Variants in FXYD1 observed in about 807,000 individuals in gnomAD.
FXYD1 encodes FXYD domain containing ion transport regulator 1.
Under a neutral mutation model 17.2 loss-of-function variants are expected in FXYD1, and 9 were observed. The ratio of observed to expected loss-of-function variants is 0.52; its 90% CI spans 0.32 to 0.91. The LOEUF (loss-of-function observed/expected upper bound fraction) is 0.91, where lower values mean the gene tolerates loss of function less well. Ranked by LOEUF, FXYD1 falls within the 40% of genes least tolerant of loss-of-function variation. The pLI is 0.04. For missense variants in FXYD1, 113 were observed against 120.6 expected (o/e 0.94, Z 0.29); for synonymous variants, 55 against 45.8 (o/e 1.20, Z -0.81).
chr19:35,141,788 C>G (rs1413859438), intron 5 of FXYD1, among the ~76,000 whole-genome samples: 1 of 152,244 alleles, frequency 6.6e-6, no homozygotes, highest in African/African-American at 2.4e-5. Context: ...GAGGCGGTGG[C>G]CGTGGGTTCC....
chr19:35,140,628 C>T lies in FXYD1; in HGVS notation c.93C>T (p.Tyr31=), dbSNP rs746736667. The T allele has an allele frequency of 7.4e-6, 12 of 1,613,158 alleles. No individual in the cohort carries two copies. Among genetic ancestry groups the T allele is most frequent in the African/African-American group, 4.0e-5 (3 of 74,862 alleles). Residue 31 remains tyrosine (Y), a splice_region_variant and synonymous_variant, in exon 3 of 8, where the codon TAC becomes TAT. Transcript: ENST00000351325. ...CAAAGGAACACGACCCGTTCACTTA[C>T]GGTGAGCGGGGGGTCTAATTTTGAG... ...ESPKEHDPFT[Y]DYQSLQIGGL...
chr19:35,141,694 C>G, intron 5 of FXYD1, 122 bp downstream of exon 5: 1 of 772,186 alleles, frequency 1.3e-6, no homozygotes, highest in Non-Finnish European at 2.1e-6. Flanking sequence ...TAAGCACCTA[C>G]TATGTGCCAT....
chr19:35,141,489 C>T (rs777829925), intron 4 of FXYD1, 47 bp from the exon 5 acceptor site: 3 of 1,553,628 alleles, frequency 1.9e-6, no homozygotes, highest in Non-Finnish European at 2.6e-6. Flanking sequence ...CCGCTTGGCG[C>T]CCGCCGGGAG....
At chr19:35,142,023 T>G (rs915429426) in intron 5 of FXYD1, among the ~76,000 whole-genome samples, 3 of 152,262 alleles carry the variant, frequency 2.0e-5, no homozygotes, top group Non-Finnish European at 4.4e-5. Context: ...ATTTACTGGG[T>G]GTGTACCACG....
Position 35,140,284 on chromosome 19 carries a change from C to T in FXYD1, c.61+144C>T, listed in dbSNP as rs151014267. ...GGGGTCTCCACGTGGGGTCCAGTCA[C>T]AGGCTGGTATTTGGGGGAGGGGAGA... is the stretch of plus-strand genomic sequence containing the variant. On this transcript the variant is annotated intron_variant, in intron 2 of 7. Coordinates refer to ENST00000351325, the MANE Select transcript of FXYD1 (RefSeq NM_021902.4). 2.9e-3 allele frequency: 1,920 copies of T among 664,352 alleles called. 28 individuals carry two copies. Among genetic ancestry groups the T allele is most frequent in the African/African-American group, 0.026 (1,444 of 56,306 alleles). The allele number at this position is 664,352 out of a possible 1,614,324, so 41.2% of individuals were successfully genotyped here. A position where few individuals can be genotyped will look rare whatever the true frequency, so the allele number is the denominator to read the frequency against.
chr19:35,139,401 CG>C (rs1407645448), intron 1 of FXYD1: 1 of 152,926 alleles, frequency 6.5e-6, no homozygotes, highest in Non-Finnish European at 1.5e-5. Context: ...CACCCAGAGG[CG>C]GGCAGAGGGG....
chr19:35,143,063 G>C lies in FXYD1; in HGVS notation c.*176G>C, dbSNP rs1449593701. 1.4e-5 allele frequency: 8 copies of C among 553,818 alleles called. No homozygotes were observed. Among genetic ancestry groups the C allele is most frequent in the Admixed American group, 3.5e-5 (1 of 28,250 alleles). 34.3% of individuals were successfully genotyped at this position (553,818 alleles called of 1,614,324 possible). A position where few individuals can be genotyped will look rare whatever the true frequency, so the allele number is the denominator to read the frequency against. ...GCGTTCCTCTCGACAGCACTTTGTCGGTCTCGGTCCCTCAGCGCGAAACGC... is the reference window on the plus strand; with the variant it reads ...GCGTTCCTCTCGACAGCACTTTGTCCGTCTCGGTCCCTCAGCGCGAAACGC... On this transcript the variant is annotated 3_prime_UTR_variant, in exon 8 of 8. Transcript: ENST00000351325. This position sits in a 1 kb window ranked among gnomAD's most constrained non-coding sequence, Gnocchi z 4.3.
At chr19:35,139,634 G>A (rs886888202) in intron 1 of FXYD1, 3 of 169,244 alleles carry the variant, frequency 1.8e-5, no homozygotes, top group Non-Finnish European at 1.3e-5. Flanking sequence ...GCGAGCGGGC[G>A]GGCGGAGAGG....
intron 6 of FXYD1, 35 bp downstream of exon 6, chr19:35,142,556 A>G (rs769554986): frequency 6.2e-7 from 1 of 1,602,284 alleles, no homozygotes; most frequent in Non-Finnish European, 8.5e-7. Flanking sequence ...TTCTGGGGAG[A>G]GGGCTGGTTC....
chr19:35,142,318 T>G, intron 5 of FXYD1, 154 bp from the exon 6 acceptor site: 1 of 636,792 alleles, frequency 1.6e-6, no homozygotes, highest in Non-Finnish European at 2.8e-6. Context: ...TGCTCCTGGG[T>G]GCTCCTCATT....
rs768641257 is a variant in FXYD1 at position 35,140,179 on chromosome 19, C to T, written c.61+39C>T. The T allele has an allele frequency of 2.5e-6, 3 of 1,184,480 alleles. No homozygotes were observed. In the African/African-American group the frequency reaches 4.5e-5, roughly 18 times the overall value. The allele number at this position is 1,184,480 out of a possible 1,614,324, so 73.4% of individuals were successfully genotyped here. A position where few individuals can be genotyped will look rare whatever the true frequency, so the allele number is the denominator to read the frequency against. The stretch of plus-strand genomic sequence containing the variant: ...AGGCTGCCCGCTACCCACCTCAGCC[C>T]CAGGGGTGGCGGTGGGGACCGAAGA... On this transcript the variant is annotated intron_variant, in intron 2 of 7. Coordinates refer to ENST00000351325, the MANE Select transcript of FXYD1 (RefSeq NM_021902.4).
intron 3 of FXYD1, 122 bp from the exon 4 acceptor site, chr19:35,141,010 A>G: frequency 1.6e-6 from 1 of 616,400 alleles, no homozygotes; most frequent in Non-Finnish European, 2.9e-6. Context: ...CCCCTTAATT[A>G]TCTTACTTCC....
chr19:35,141,053 C>T (rs1322312601), intron 3 of FXYD1, 79 bp from the exon 4 acceptor site: 4 of 824,208 alleles, frequency 4.9e-6, no homozygotes, highest in East Asian at 5.0e-5. Flanking sequence ...TCTCCCTGTT[C>T]CCTCCTTCCC....
rs537703253 is a variant in FXYD1, at chr19:35,139,948, C to A, written c.-4-128C>A. On this transcript the variant is annotated intron_variant, in intron 1 of 7. Coordinates refer to ENST00000351325, the MANE Select transcript of FXYD1 (RefSeq NM_021902.4). ...GGATACCCGTTTCTCTAGCTTGGAG[C>A]CACCAAGATAGAGGACAAACACTTC... is the stretch of plus-strand genomic sequence containing the variant. 3 of 783,580 alleles carry A rather than the reference C, an allele frequency of 3.8e-6. No individual in the cohort carries two copies. In the Admixed American group the frequency reaches 6.4e-5, roughly 17 times the overall value. 48.5% of individuals were successfully genotyped at this position (783,580 alleles called of 1,614,324 possible).
chr19:35,138,171 A>G (rs1228512742), upstream of FXYD1: 1 of 152,294 alleles, frequency 6.6e-6, no homozygotes, highest in Non-Finnish European at 1.5e-5. Flanking sequence ...TGACTGGCAT[A>G]AAAGGTGTTG....
At chr19:35,142,176 C>G (rs1027505790) in intron 5 of FXYD1, 1 of 349,202 alleles carries the variant, frequency 2.9e-6, no homozygotes, top group African/African-American at 2.1e-5. Flanking sequence ...GGGTTTCCAA[C>G]CCAGGCCATC....
At position 35,141,158 on chromosome 19, in the gene FXYD1, C is replaced by G; in HGVS notation, c.121C>G (p.Leu41Val). Residue 41 changes from leucine (L) to valine (V), a missense_variant, in exon 4 of 8, where the codon CTC becomes GTC. Coordinates refer to ENST00000351325, the MANE Select transcript of FXYD1 (RefSeq NM_021902.4). ...CTACCAGTCCCTGCAGATCGGAGGC[C>G]TCGTCATCGCCGGGATCCTCTTCAT... ...YDYQSLQIGG[L>V]VIAGILFILG... 6.2e-7 allele frequency: 1 copy of G among 1,611,244 alleles called. No individual in the cohort carries two copies. Among genetic ancestry groups the G allele is most frequent in the Non-Finnish European group, 8.5e-7 (1 of 1,177,894 alleles).
intron 2 of FXYD1, 78 bp downstream of exon 2, chr19:35,140,218 C>T (rs760968619): frequency 1.2e-6 from 1 of 858,336 alleles, no homozygotes. Context: ...AAGTTGGAGA[C>T]CCCAACCTAG....
At chr19:35,140,173 T>C in intron 2 of FXYD1, 33 bp downstream of exon 2, 1 of 1,224,736 alleles carries the variant, frequency 8.2e-7, no homozygotes, top group African/African-American at 1.5e-5. Context: ...GCTACCCACC[T>C]CAGCCCCAGG....
Sources: gnomAD v4.1 joint callset for allele counts (sites outside exome capture counted in the v4.1 genomes callset) on GRCh38, gnomAD v4.1.1 for gene constraint, Gnocchi (gnomAD v3.1) non-coding constraint, MANE v1.5 for transcripts, NCBI Gene and HGNC (gene_info 2026-07-23, HGNC 2026-07-21) for gene names.